EPB41L5: variants seen among roughly 807,000 people sequenced by gnomAD.
The protein encoded by EPB41L5 is band 4.1-like protein 5.
In EPB41L5, 55 loss-of-function variants were observed where a neutral mutation model predicts 106.6. That is an observed-to-expected ratio of 0.52 (90% confidence interval 0.42 to 0.65). The LOEUF is 0.65. Among genes scored for constraint, EPB41L5 ranks in the 30% least tolerant of loss-of-function variants. EPB41L5 has a pLI of 0.00. For synonymous variants in EPB41L5, 297 were observed against 306.7 expected, an observed-to-expected ratio of 0.97 and a Z score of 0.33; for missense variants, 871 against 882.1, an observed-to-expected ratio of 0.99 and a Z score of 0.16.
intron 3 of EPB41L5, among the ~76,000 whole-genome samples, chr2:120,067,684 G>A (rs1293497648): frequency 6.6e-6 from 1 of 152,116 alleles, no homozygotes; most frequent in Non-Finnish European, 1.5e-5. Flanking sequence ...TTGATTATGA[G>A]AAAGATCTAA....
chr2:120,089,968 C>G (rs904196721), intron 11 of EPB41L5, among the ~76,000 whole-genome samples: 3 of 151,992 alleles, frequency 2.0e-5, no homozygotes, highest in African/African-American at 7.2e-5. Context: ...TAATTAGACT[C>G]ATGGCAGTGT....
intron 2 of EPB41L5, among the ~76,000 whole-genome samples, chr2:120,022,101 T>C (rs1677973374): frequency 6.6e-6 from 1 of 152,252 alleles, no homozygotes; most frequent in Admixed American, 6.5e-5. Flanking sequence ...AGCTTAGTAT[T>C]GGTAAATAGC....
chr2:120,034,004 G>C (rs1479071523), intron 2 of EPB41L5, among the ~76,000 whole-genome samples: 1 of 152,000 alleles, frequency 6.6e-6, no homozygotes, highest in Non-Finnish European at 1.5e-5. Context: ...GCCAAGGTGG[G>C]AGGATTGCTT....
intron 1 of EPB41L5, chr2:120,013,422 A>G (rs908400761): frequency 4.6e-5 from 7 of 151,634 alleles, no homozygotes; most frequent in Admixed American, 6.6e-5. Context: ...CCAATGAGGC[A>G]GGGCCGCCGA....
chr2:120,077,941 C>G (rs1339233697), intron 9 of EPB41L5, among the ~76,000 whole-genome samples: 1 of 152,088 alleles, frequency 6.6e-6, no homozygotes, highest in Non-Finnish European at 1.5e-5. Context: ...CAAACAGGCA[C>G]ATCTGTACAT....
intron 3 of EPB41L5, among the ~76,000 whole-genome samples, chr2:120,045,705 A>G (rs534018081): frequency 3.9e-5 from 6 of 152,116 alleles, no homozygotes; most frequent in Non-Finnish European, 8.8e-5. Context: ...TCTAGGATAC[A>G]TGTGCACAAC....
intron 3 of EPB41L5, 90 bp from the exon 4 acceptor site, chr2:120,073,088 G>A: frequency 1.7e-6 from 2 of 1,147,582 alleles, no homozygotes; most frequent in Non-Finnish European, 2.6e-6. Context: ...GGTTATCAGT[G>A]TAGGCACAAT....
chr2:120,155,034 T>C (rs552100794), intron 20 of EPB41L5, among the ~76,000 whole-genome samples: 1 of 152,234 alleles, frequency 6.6e-6, no homozygotes, highest in Non-Finnish European at 1.5e-5. Context: ...AGAGAAGTTA[T>C]ACCCAAATTG....
intron 1 of EPB41L5, chr2:120,013,676 A>C (rs1453958727): frequency 1.3e-5 from 2 of 152,240 alleles, no homozygotes; most frequent in Non-Finnish European, 2.9e-5. Flanking sequence ...GGGAAAGGAG[A>C]GGCAGGTGTG....
intron 10 of EPB41L5, among the ~76,000 whole-genome samples, chr2:120,082,600 T>TC (rs1211036369): frequency 2.0e-5 from 3 of 152,286 alleles, no homozygotes; most frequent in African/African-American, 7.2e-5. Flanking sequence ...GGCTTTGGTA[T>TC]AGGATGATGC....
intron 3 of EPB41L5, among the ~76,000 whole-genome samples, chr2:120,056,673 C>T (rs1236940513): frequency 2.1e-5 from 3 of 144,910 alleles, no homozygotes; most frequent in Admixed American, 6.9e-5. Flanking sequence ...TTTCTTGTGA[C>T]TTTTTTTTTT....
At chr2:120,051,297 C>T (rs1418786980) in intron 3 of EPB41L5, among the ~76,000 whole-genome samples, 1 of 152,206 alleles carries the variant, frequency 6.6e-6, no homozygotes, top group Non-Finnish European at 1.5e-5. Context: ...CTGCGGTGGG[C>T]TCCACCCAGT....
chr2:120,157,225 G>C (rs1686938855), intron 20 of EPB41L5, among the ~76,000 whole-genome samples: 1 of 152,144 alleles, frequency 6.6e-6, no homozygotes, highest in African/African-American at 2.4e-5. Flanking sequence ...AAGTCAAGAA[G>C]TTACTTGTAG....
At chr2:120,044,392 C>G (rs992389969) in intron 3 of EPB41L5, among the ~76,000 whole-genome samples, 4 of 152,142 alleles carry the variant, frequency 2.6e-5, no homozygotes, top group African/African-American at 9.7e-5. Flanking sequence ...TTCTAGACTT[C>G]TGTTTAGTTT....
chr2:120,164,868 A>G lies in EPB41L5; in HGVS notation c.1920A>G (p.Ala640=), dbSNP rs1464026741. 1.2e-6 allele frequency: 2 copies of G among 1,612,546 alleles called. No individual in the cohort carries two copies. The highest frequency in any genetic ancestry group is 1.3e-5 in the African/African-American group (1 of 74,828). Residue 640 remains alanine, a synonymous_variant, in exon 22 of 25, where the codon GCA becomes GCG. Coordinates refer to ENST00000263713, the MANE Select transcript of EPB41L5 (RefSeq NM_020909.4). ...CAGATGAATTGGATGCCTTGCTTGC[A>G]TCTCTAACTGAGAATCTAATTGATC... The part of the protein sequence containing the change: ...EATDELDALL[A]SLTENLIDHT...
At chr2:120,104,184 G>T (rs1206618193) in intron 16 of EPB41L5, 3 of 1,536,068 alleles carry the variant, frequency 2.0e-6, no homozygotes, top group South Asian at 1.2e-5. Flanking sequence ...TGTGAAGAAT[G>T]CAGGAATCCG....
intron 11 of EPB41L5, among the ~76,000 whole-genome samples, chr2:120,087,901 T>C (rs951621931): frequency 3.9e-5 from 6 of 152,346 alleles, no homozygotes; most frequent in Non-Finnish European, 8.8e-5. Context: ...TGATACATGC[T>C]TGGATGCAAC....
intron 16 of EPB41L5, among the ~76,000 whole-genome samples, chr2:120,114,699 T>TC (rs1166812957): frequency 6.6e-6 from 1 of 152,232 alleles, no homozygotes; most frequent in African/African-American, 2.4e-5. Context: ...TTTGAAAATT[T>TC]TTTTATTCTG....
At chr2:120,058,247 A>G (rs892349091) in intron 3 of EPB41L5, among the ~76,000 whole-genome samples, 4 of 152,086 alleles carry the variant, frequency 2.6e-5, no homozygotes, top group Non-Finnish European at 5.9e-5. Context: ...GTGCAGTGGC[A>G]TGATCAGAGC....
Sources: gnomAD v4.1 joint callset for allele counts (sites outside exome capture counted in the v4.1 genomes callset) on GRCh38, gnomAD v4.1.1 for gene constraint, MANE v1.5 for transcripts, NCBI Gene and HGNC (gene_info 2026-07-23, HGNC 2026-07-21) for gene names.